RALGAPA1: variants seen among roughly 807,000 people sequenced by gnomAD.
RALGAPA1 encodes ral GTPase-activating protein subunit alpha-1.
In RALGAPA1, 52 loss-of-function variants were observed where a neutral mutation model predicts 269.6. That is an observed-to-expected ratio of 0.19 (90% confidence interval 0.15 to 0.24). The LOEUF (loss-of-function observed/expected upper bound fraction) is 0.24. Ranked by LOEUF, RALGAPA1 falls within the 10% of genes least tolerant of loss-of-function variation. The pLI is 1.00. For synonymous variants in RALGAPA1, 817 were observed against 1,008.3 expected, an observed-to-expected ratio of 0.81 and a Z score of 3.60; for missense variants, 1,917 against 3,013.9, an observed-to-expected ratio of 0.64 and a Z score of 8.52.
At chr14:35,693,109 C>T (rs1228538333) in intron 17 of RALGAPA1, among the ~76,000 whole-genome samples, 3 of 151,784 alleles carry the variant, frequency 2.0e-5, no homozygotes, top group African/African-American at 7.3e-5. Flanking sequence ...TTGAATAATA[C>T]ATCATATATG....
chr14:35,627,452 G>A lies in RALGAPA1; in HGVS notation c.6495C>T (p.Leu2165=). 1 of 1,613,518 alleles carries A rather than the reference G, an allele frequency of 6.2e-7. No individual in the cohort carries two copies. Among genetic ancestry groups the A allele is most frequent in the Non-Finnish European group, 8.5e-7 (1 of 1,179,898 alleles). ...CAGTTTCTCTAAATCTTTTAAACTG[G>A]AGAGAAAGTCCATCTTTTACGGTTA... ...EDITVKDGLS[L]QFKRFRETVP... Residue 2165 remains leucine, a synonymous_variant, in exon 34 of 42, where the codon CTC becomes CTT. Coordinates refer to ENST00000680220, the MANE Select transcript of RALGAPA1 (RefSeq NM_001346249.2).
At chr14:35,803,490 T>G (rs759031743) in intron 1 of RALGAPA1, among the ~76,000 whole-genome samples, 2 of 152,016 alleles carry the variant, frequency 1.3e-5, no homozygotes, top group Non-Finnish European at 2.9e-5. Flanking sequence ...CAATAAAAAT[T>G]AACCATTTCT....
At chr14:35,761,238 C>T (rs1181918867) in intron 5 of RALGAPA1, among the ~76,000 whole-genome samples, 3 of 152,042 alleles carry the variant, frequency 2.0e-5, no homozygotes, top group Non-Finnish European at 2.9e-5. Context: ...CTATTTAAAG[C>T]CATCAGGTAA....
chr14:35,699,213 C>G (rs2067140131), intron 17 of RALGAPA1, among the ~76,000 whole-genome samples: 2 of 152,072 alleles, frequency 1.3e-5, no homozygotes. Flanking sequence ...TTTGAGCTAG[C>G]ACAGTATGCA....
intron 1 of RALGAPA1, among the ~76,000 whole-genome samples, chr14:35,779,657 A>T (rs1169123988): frequency 6.6e-6 from 1 of 152,080 alleles, no homozygotes; most frequent in Non-Finnish European, 1.5e-5. Context: ...TCGAGGAAAA[A>T]AAAGAAAATG....
intron 26 of RALGAPA1, 57 bp downstream of exon 26, chr14:35,671,332 T>A: frequency 1.4e-6 from 2 of 1,425,286 alleles, no homozygotes; most frequent in Non-Finnish European, 1.9e-6. Context: ...TTATCAACTT[T>A]GTTAGTTGAA....
Position 35,688,616 on chromosome 14 carries a change from C to A in RALGAPA1, c.3795G>T (p.Gln1265His). 1 of 1,534,946 alleles carries A rather than the reference C, an allele frequency of 6.5e-7. No homozygotes were observed. The highest frequency in any genetic ancestry group is 8.7e-7 in the Non-Finnish European group (1 of 1,146,618). Residue 1265 changes from glutamine (Q) to histidine (H), a missense_variant, in exon 18 of 42, where the codon CAG becomes CAT. Physicochemically the swap from Gln to His is conservative, Grantham distance 24 (BLOSUM62 0). Transcript: ENST00000680220. Reference sequence around the variant, plus strand: ...TATAAACGCCACCCAGGGAGCCCTGCTGTAGTCCTGCCTCATGACTTGATG... The same window carrying A: ...TATAAACGCCACCCAGGGAGCCCTGATGTAGTCCTGCCTCATGACTTGATG... ...LRSSSHEAGL[Q>H]QGSLGGVYKT... is the part of the protein sequence containing the mutation.
At chr14:35,792,313 C>T (rs147642887) in intron 1 of RALGAPA1, among the ~76,000 whole-genome samples, 1,628 of 152,108 alleles carry the variant, frequency 0.011, 32 homozygotes, top group African/African-American at 0.037. Flanking sequence ...CCTGCCACCA[C>T]GCCCAGCTAA....
At chr14:35,800,216 T>C (rs1323121900) in intron 1 of RALGAPA1, among the ~76,000 whole-genome samples, 1 of 152,198 alleles carries the variant, frequency 6.6e-6, no homozygotes, top group African/African-American at 2.4e-5. Flanking sequence ...AGAGAAGACT[T>C]GAACAACACT....
chr14:35,579,522 C>T (rs970063829), intron 37 of RALGAPA1, among the ~76,000 whole-genome samples: 7 of 150,352 alleles, frequency 4.7e-5, no homozygotes, highest in African/African-American at 1.5e-4. Context: ...TCAGGAGAAT[C>T]GCTTGAACCC....
chr14:35,748,833 C>CAAAAAA lies in RALGAPA1; in HGVS notation c.1012-15_1012-10dup. On this transcript the variant is annotated splice_polypyrimidine_tract_variant and intron_variant, in intron 9 of 41. Transcript: ENST00000680220. ...AAACTAGCAGCTGCTCTCTAAAATA[C>CAAAAAA]AAAAAAAAAAAAAAAAGAGAGAAAC... 1 of 1,298,066 alleles carries CAAAAAA rather than the reference C, an allele frequency of 7.7e-7. No homozygotes were observed. The highest frequency in any genetic ancestry group is 2.8e-5 in the East Asian group (1 of 35,534). The allele number at this position is 1,298,066 out of a possible 1,614,324, so 80.4% of individuals were successfully genotyped here.
At chr14:35,617,226 A>T (rs760613384) in intron 35 of RALGAPA1, among the ~76,000 whole-genome samples, 7 of 152,176 alleles carry the variant, frequency 4.6e-5, no homozygotes, top group Non-Finnish European at 7.4e-5. Flanking sequence ...TCACACCTGT[A>T]ATCCCAGCAC....
chr14:35,726,810 A>G (rs1486368980), intron 13 of RALGAPA1, among the ~76,000 whole-genome samples: 1 of 152,218 alleles, frequency 6.6e-6, no homozygotes, highest in Non-Finnish European at 1.5e-5. Flanking sequence ...TAATTGTCCA[A>G]TGTAGTTATT....
At chr14:35,764,839 C>T (rs2074016497) in intron 4 of RALGAPA1, among the ~76,000 whole-genome samples, 1 of 152,142 alleles carries the variant, frequency 6.6e-6, no homozygotes, top group African/African-American at 2.4e-5. Context: ...CATAAGACAC[C>T]ATGCCTGGCC....
intron 30 of RALGAPA1, among the ~76,000 whole-genome samples, 167 bp from the exon 31 acceptor site, chr14:35,652,040 T>C (rs1218399898): frequency 6.6e-6 from 1 of 152,182 alleles, no homozygotes; most frequent in Non-Finnish European, 1.5e-5. Context: ...GGTAAGCTTT[T>C]CAAGTATAGT....
chr14:35,596,072 T>A (rs894615047), intron 36 of RALGAPA1, among the ~76,000 whole-genome samples: 5 of 152,074 alleles, frequency 3.3e-5, no homozygotes, highest in Non-Finnish European at 7.4e-5. Context: ...TTATAAAGGC[T>A]GTCAGAGCAC....
intron 38 of RALGAPA1, among the ~76,000 whole-genome samples, chr14:35,571,434 A>G (rs563891594): frequency 4.6e-5 from 7 of 151,786 alleles, no homozygotes; most frequent in Non-Finnish European, 1.0e-4. Context: ...CTGTAATCCC[A>G]GCACTTTGGG....
At chr14:35,624,156 CAAAAAA>C (rs377171729) in intron 35 of RALGAPA1, among the ~76,000 whole-genome samples, 9 of 21,842 alleles carry the variant, frequency 4.1e-4, no homozygotes, top group Non-Finnish European at 8.8e-4. Flanking sequence ...TAATACAACG[CAAAAAA>C]AAAAAAAAAA....
chr14:35,605,664 T>C lies in RALGAPA1; in HGVS notation c.6975A>G (p.Gln2325=), dbSNP rs1457101910. ...KIAVFYVAEG[Q]EDKHSILTNT... ...TGGTGAGAATGGAGTGTTTGTCTTC[T>C]TGTCCTTCAGCAACATAAAATACTG... Residue 2325 remains glutamine, a synonymous_variant, in exon 36 of 42, where the codon CAA becomes CAG. Coordinates refer to ENST00000680220, the MANE Select transcript of RALGAPA1 (RefSeq NM_001346249.2). The C allele has an allele frequency of 1.9e-6, 3 of 1,611,510 alleles. No individual in the cohort carries two copies. The highest frequency in any genetic ancestry group is 2.7e-5 in the African/African-American group (2 of 74,836).
Sources: allele counts gnomAD v4.1 joint callset (sites outside exome capture counted in the v4.1 genomes callset), GRCh38; gene constraint gnomAD v4.1.1; transcripts MANE v1.5; gene names NCBI Gene and HGNC (gene_info 2026-07-23, HGNC 2026-07-21).